The following KCND2 variants were observed in gnomAD, a reference collection of about 807,000 sequenced individuals.
The protein encoded by KCND2 is A-type voltage-gated potassium channel KCND2.
In KCND2, 16 loss-of-function variants were observed where a neutral mutation model predicts 54.4. That is an observed-to-expected ratio of 0.29 (90% CI 0.20 to 0.45). The LOEUF is 0.45. Among genes scored for constraint, KCND2 ranks in the 20% least tolerant of loss-of-function variants. The pLI, the probability that KCND2 is intolerant of heterozygous loss-of-function variation, is 1.00. For synonymous variants in KCND2, 317 were observed against 310.7 expected, an observed-to-expected ratio of 1.02 and a Z score of -0.21; for missense variants, 486 against 824.2, an observed-to-expected ratio of 0.59 and a Z score of 5.02.
intron 1 of KCND2, among the ~76,000 whole-genome samples, chr7:120,351,986 A>G (rs868810543): frequency 4.0e-5 from 6 of 151,486 alleles, no homozygotes; most frequent in Admixed American, 1.3e-4. Context: ...TAATTTTTGT[A>G]TTTTCAGTAG....
intron 1 of KCND2, among the ~76,000 whole-genome samples, chr7:120,292,420 TTC>T (rs1799448900): frequency 6.6e-6 from 1 of 151,940 alleles, no homozygotes. Context: ...AGTGACATGT[TTC>T]ACAGATATAG....
At chr7:120,447,578 T>G (rs1238132210) in intron 1 of KCND2, among the ~76,000 whole-genome samples, 1 of 152,128 alleles carries the variant, frequency 6.6e-6, no homozygotes. Context: ...CTTATGAAAG[T>G]CCTGTCTGTG....
chr7:120,476,385 G>C (rs540490466), intron 1 of KCND2, among the ~76,000 whole-genome samples: 35 of 152,242 alleles, frequency 2.3e-4, no homozygotes, highest in African/African-American at 7.0e-4. Context: ...CCTTGTTTTT[G>C]TTCAGTATCA....
chr7:120,321,637 C>T (rs1287181451), intron 1 of KCND2, among the ~76,000 whole-genome samples: 2 of 151,990 alleles, frequency 1.3e-5, no homozygotes, highest in Non-Finnish European at 2.9e-5. Flanking sequence ...GGTGAAAGTA[C>T]ATTGCATTGT....
intron 1 of KCND2, among the ~76,000 whole-genome samples, chr7:120,323,449 T>TC (rs895514461): frequency 3.7e-5 from 5 of 135,246 alleles, no homozygotes; most frequent in African/African-American, 1.1e-4. Flanking sequence ...CCCTCCCCAC[T>TC]CCCCCCACCC....
At chr7:120,402,380 G>T (rs1801277075) in intron 1 of KCND2, among the ~76,000 whole-genome samples, 1 of 152,126 alleles carries the variant, frequency 6.6e-6, no homozygotes, top group Non-Finnish European at 1.5e-5. Flanking sequence ...ATGCATTCCA[G>T]CTTTTGAAAA....
intron 1 of KCND2, among the ~76,000 whole-genome samples, chr7:120,548,963 T>C (rs1792075211): frequency 6.6e-6 from 1 of 152,110 alleles, no homozygotes; most frequent in East Asian, 1.9e-4. Context: ...CATTTTTGTT[T>C]CAATGCCTGT....
chr7:120,569,377 C>G (rs1012652463), intron 1 of KCND2, among the ~76,000 whole-genome samples: 3 of 152,108 alleles, frequency 2.0e-5, no homozygotes, highest in African/African-American at 4.8e-5. Flanking sequence ...CTGATTGCGT[C>G]TCCTTACTTA....
At chr7:120,490,138 T>A (rs1335346105) in intron 1 of KCND2, among the ~76,000 whole-genome samples, 1 of 152,126 alleles carries the variant, frequency 6.6e-6, no homozygotes, top group Non-Finnish European at 1.5e-5. Flanking sequence ...CCAAGCATAT[T>A]ACCAACAAAA....
At chr7:120,497,674 C>T (rs1214129035) in intron 1 of KCND2, among the ~76,000 whole-genome samples, 1 of 152,146 alleles carries the variant, frequency 6.6e-6, no homozygotes, top group African/African-American at 2.4e-5. Flanking sequence ...AATGTCCGTT[C>T]AGCAGGATAG....
At chr7:120,477,946 T>G (rs577327257) in intron 1 of KCND2, among the ~76,000 whole-genome samples, 41 of 151,752 alleles carry the variant, frequency 2.7e-4, no homozygotes, top group African/African-American at 9.0e-4. Context: ...ACTTCTCAAT[T>G]TATTTCTCAT....
intron 1 of KCND2, among the ~76,000 whole-genome samples, chr7:120,439,481 C>A (rs1801918628): frequency 6.6e-6 from 1 of 152,014 alleles, no homozygotes; most frequent in Admixed American, 6.5e-5. Context: ...TACCCATCAC[C>A]TCAAACTTAT....
At chr7:120,686,534 A>C in intron 1 of KCND2, among the ~76,000 whole-genome samples, 1 of 152,208 alleles carries the variant, frequency 6.6e-6, no homozygotes, top group South Asian at 2.1e-4. Flanking sequence ...GTTTTAGAGC[A>C]GGAGCGAAAG....
rs199619861 is a variant in KCND2 at position 120,274,698 on chromosome 7, G to T, written c.66G>T (p.Val22=). The T allele has an allele frequency of 6.2e-7, 1 of 1,613,976 alleles. No homozygotes were observed. Among genetic ancestry groups the T allele is most frequent in the East Asian group, 2.2e-5 (1 of 44,844 alleles). The change falls in exon 1 of 6, where the codon GTG becomes GTT. Residue 22 remains valine, a synonymous_variant. Transcript: ENST00000331113. The part of the protein sequence containing the change: ...ARAAAIGWMP[V]ASGPMPAPPR... ...CAGCGGCTATCGGGTGGATGCCTGT[G>T]GCCTCGGGGCCTATGCCGGCTCCCC... is the stretch of plus-strand genomic sequence containing the variant.
chr7:120,375,431 A>G lies in KCND2; in HGVS notation c.1115+99684A>G, dbSNP rs978383621. ...GCATAATGCTTATTACATACCATAC[A>G]GAATCTTTTTAGATCAAAGAATCAT... is the stretch of plus-strand genomic sequence containing the variant. On this transcript the variant is annotated intron_variant, in intron 1 of 5. Coordinates refer to ENST00000331113, the MANE Select transcript of KCND2 (RefSeq NM_012281.3). Among the ~76,000 whole-genome samples the G allele has an allele frequency of 2.6e-5, 4 of 151,794 alleles. No homozygotes were observed. In the East Asian group the frequency reaches 7.8e-4, roughly 29 times the overall value.
chr7:120,584,565 G>A (rs1792567037), intron 1 of KCND2, among the ~76,000 whole-genome samples: 1 of 152,226 alleles, frequency 6.6e-6, no homozygotes. Flanking sequence ...CATTATAAAG[G>A]GGCTCATTTA....
At chr7:120,486,672 G>A (rs766178263) in intron 1 of KCND2, among the ~76,000 whole-genome samples, 3 of 151,676 alleles carry the variant, frequency 2.0e-5, no homozygotes, top group Non-Finnish European at 2.9e-5. Flanking sequence ...TCTCTGTCTG[G>A]TTGACTTGTT....
chr7:120,621,370 G>A (rs1478543400), intron 1 of KCND2, among the ~76,000 whole-genome samples: 1 of 149,160 alleles, frequency 6.7e-6, no homozygotes, highest in South Asian at 2.1e-4. Flanking sequence ...CCACTTCATA[G>A]CCTTTTATCT....
At chr7:120,532,543 T>A (rs1031766304) in intron 1 of KCND2, among the ~76,000 whole-genome samples, 1 of 151,824 alleles carries the variant, frequency 6.6e-6, no homozygotes, top group Non-Finnish European at 1.5e-5. Flanking sequence ...GAAACTAGGA[T>A]CAAGTTAGTA....
Sources: gnomAD v4.1 joint callset for allele counts (sites outside exome capture counted in the v4.1 genomes callset) on GRCh38, gnomAD v4.1.1 for gene constraint, MANE v1.5 for transcripts, NCBI Gene and HGNC (gene_info 2026-07-23, HGNC 2026-07-21) for gene names.